The following OR1J2 variants were observed in gnomAD, a reference collection of about 807,000 sequenced individuals.
The protein encoded by OR1J2 is olfactory receptor family 1 subfamily J member 2.
For synonymous variants in OR1J2, 142 were observed against 99.7 expected, an observed-to-expected ratio of 1.42 and a Z score of -2.52; for missense variants, 304 against 246.1, an observed-to-expected ratio of 1.24 and a Z score of -1.57.
At chr9:122,485,528 C>A in the OR1J2 span, among the ~76,000 whole-genome samples, 1 of 152,228 alleles carries the variant, frequency 6.6e-6, no homozygotes, top group East Asian at 1.9e-4. Context: ...TTGAGCCTTT[C>A]CTGTCCCTAC....
the OR1J2 span, among the ~76,000 whole-genome samples, chr9:122,485,429 T>C: frequency 2.0e-5 from 3 of 152,190 alleles, no homozygotes; most frequent in Admixed American, 2.0e-4. Context: ...TAGAACCATG[T>C]CTCTAAGTTT....
chr9:122,534,308 T>C, the OR1J2 span, among the ~76,000 whole-genome samples: 1 of 152,028 alleles, frequency 6.6e-6, no homozygotes, highest in African/African-American at 2.4e-5. Context: ...CAGGAGCAGA[T>C]TGGGTAGTAA....
chr9:122,571,670 T>G, the OR1J2 span, among the ~76,000 whole-genome samples: 2 of 150,636 alleles, frequency 1.3e-5, no homozygotes, highest in African/African-American at 2.4e-5. Flanking sequence ...GAGCCAAGAT[T>G]GCACCACTGC....
At chr9:122,453,730 C>G in the OR1J2 span, among the ~76,000 whole-genome samples, 4 of 152,138 alleles carry the variant, frequency 2.6e-5, no homozygotes, top group Non-Finnish European at 5.9e-5. Context: ...TGAATGCCTG[C>G]CTGTATTGTT....
the OR1J2 span, among the ~76,000 whole-genome samples, chr9:122,577,535 G>GTAATTAA: frequency 1.3e-5 from 2 of 152,186 alleles, no homozygotes; most frequent in Non-Finnish European, 2.9e-5. Flanking sequence ...CAGTAAGCAT[G>GTAATTAA]TGAACAAGTA....
At chr9:122,449,573 GT>G in the OR1J2 span, among the ~76,000 whole-genome samples, 1 of 152,156 alleles carries the variant, frequency 6.6e-6, no homozygotes, top group African/African-American at 2.4e-5. Context: ...TTTTCGCCAT[GT>G]TAGCCAGGAT....
the OR1J2 span, among the ~76,000 whole-genome samples, chr9:122,559,322 C>G: frequency 6.6e-6 from 1 of 150,884 alleles, no homozygotes; most frequent in Non-Finnish European, 1.5e-5. Context: ...TTTTATTTTA[C>G]TTTAAGTTCT....
the OR1J2 span, among the ~76,000 whole-genome samples, chr9:122,484,718 A>G: frequency 6.6e-6 from 1 of 151,688 alleles, no homozygotes; most frequent in African/African-American, 2.4e-5. Context: ...AGAGAAAAAG[A>G]AAAAAAAAGT....
upstream of OR1J2, among the ~76,000 whole-genome samples, chr9:122,510,421 G>A (rs1828609462): frequency 6.6e-6 from 1 of 151,928 alleles, no homozygotes; most frequent in African/African-American, 2.4e-5. Flanking sequence ...CTTTTTTCTA[G>A]TTTTCTTACA....
chr9:122,539,318 T>C, the OR1J2 span, among the ~76,000 whole-genome samples: 1 of 151,856 alleles, frequency 6.6e-6, no homozygotes, highest in Non-Finnish European at 1.5e-5. Flanking sequence ...CCTGTGTCCA[T>C]GTGTTCTCAT....
upstream of OR1J2, among the ~76,000 whole-genome samples, chr9:122,509,549 A>G (rs931192316): frequency 2.6e-5 from 4 of 152,332 alleles, no homozygotes; most frequent in Non-Finnish European, 4.4e-5. Context: ...TCTGATCTTT[A>G]CTTTCTCAAC....
chr9:122,530,936 T>C, the OR1J2 span, among the ~76,000 whole-genome samples: 2 of 152,142 alleles, frequency 1.3e-5, no homozygotes, highest in African/African-American at 2.4e-5. Flanking sequence ...AGGCAGGAAC[T>C]GGCCATCCGG....
chr9:122,521,353 A>G, the OR1J2 span, among the ~76,000 whole-genome samples: 1 of 152,220 alleles, frequency 6.6e-6, no homozygotes, highest in African/African-American at 2.4e-5. Flanking sequence ...ACACAGCAAC[A>G]TATCTGTTCT....
At chr9:122,482,311 TC>T in the OR1J2 span, among the ~76,000 whole-genome samples, 4 of 152,042 alleles carry the variant, frequency 2.6e-5, no homozygotes, top group African/African-American at 9.7e-5. Flanking sequence ...AATTAAAACC[TC>T]CATGAGCTGT....
the OR1J2 span, among the ~76,000 whole-genome samples, chr9:122,495,686 C>G: frequency 3.3e-5 from 5 of 152,026 alleles, no homozygotes; most frequent in Admixed American, 3.3e-4. Flanking sequence ...CTTTTTCTGG[C>G]AATTCAGAGA....
the OR1J2 span, among the ~76,000 whole-genome samples, chr9:122,580,143 G>C: frequency 6.6e-6 from 1 of 151,916 alleles, no homozygotes; most frequent in Non-Finnish European, 1.5e-5. Context: ...AATGTACCTA[G>C]TAACTGGACA....
the OR1J2 span, among the ~76,000 whole-genome samples, chr9:122,577,784 A>G: frequency 6.6e-6 from 1 of 152,250 alleles, no homozygotes; most frequent in East Asian, 1.9e-4. Context: ...TGAAAGTGGT[A>G]CAAACATATC....
chr9:122,555,447 G>T, the OR1J2 span, among the ~76,000 whole-genome samples: 84,056 of 151,960 alleles, frequency 0.55, 23,869 homozygotes, highest in East Asian at 0.97. Context: ...AGCAATCTGC[G>T]GCTGCAATTT....
At chr9:122,568,375 C>G in the OR1J2 span, 2 of 1,613,732 alleles carry the variant, frequency 1.2e-6, no homozygotes, top group Non-Finnish European at 1.7e-6. Context: ...ACCAGGTACA[C>G]GATGAGGAAG....
Sources: gnomAD v4.1 joint callset for allele counts (sites outside exome capture counted in the v4.1 genomes callset) on GRCh38, gnomAD v4.1.1 for gene constraint, MANE v1.5 for transcripts, NCBI Gene and HGNC (gene_info 2026-07-23, HGNC 2026-07-21) for gene names.